Variants in PCDHGB3 observed in about 807,000 individuals in gnomAD.
PCDHGB3 encodes the protein protocadherin gamma-B3.
In PCDHGB3, 40 loss-of-function variants were observed where a neutral mutation model predicts 59.2. The observed-to-expected ratio is 0.68, with a 90% CI of 0.52 to 0.88. PCDHGB3 has a LOEUF of 0.88. Ranked by LOEUF, PCDHGB3 falls within the 40% of genes least tolerant of loss-of-function variation. The pLI is 0.00. For synonymous variants in PCDHGB3, 581 were observed against 503.6 expected, an observed-to-expected ratio of 1.15 and a Z score of -2.06; for missense variants, 1,309 against 1,187.9, an observed-to-expected ratio of 1.10 and a Z score of -1.50.
intron 1 of PCDHGB3, chr5:141,398,967 C>T: frequency 6.2e-7 from 1 of 1,613,942 alleles, no homozygotes; most frequent in Non-Finnish European, 8.5e-7. Flanking sequence ...TTACTTATTC[C>T]TTCTACAGAA....
chr5:141,431,401 C>T lies in PCDHGB3; in HGVS notation c.2415+58592C>T. ...CTGCTCACCACCTGGTCCTTACGGC[C>T]TCCGACGGGGGCGACCCGGTGCGCA... On this transcript the variant is annotated intron_variant, in intron 1 of 3. Transcript: ENST00000576222. The surrounding 1 kb of genome is among the most constrained non-coding windows in gnomAD (Gnocchi z 4.8). 2 of 1,613,800 alleles carry T rather than the reference C, an allele frequency of 1.2e-6. No homozygotes were observed. Among genetic ancestry groups the T allele is most frequent in the Admixed American group, 1.7e-5 (1 of 60,036 alleles).
At chr5:141,464,748 T>C (rs995568259) in intron 1 of PCDHGB3, among the ~76,000 whole-genome samples, 2 of 152,190 alleles carry the variant, frequency 1.3e-5, no homozygotes, top group Admixed American at 1.3e-4. Context: ...TATCTTTTTG[T>C]TTTTTTAGAG....
rs1421541308 is a variant in PCDHGB3 at position 141,409,559 on chromosome 5, G to C, written c.2415+36750G>C. On this transcript the variant is annotated intron_variant, in intron 1 of 3. Coordinates refer to ENST00000576222, the MANE Select transcript of PCDHGB3 (RefSeq NM_018924.5). The stretch of plus-strand genomic sequence containing the variant: ...CATCAACGACAACGCCCCAGTTTTC[G>C]ACCAGACGTCCTACGTGGTCCACGT... The C allele has an allele frequency of 1.9e-6, 3 of 1,613,936 alleles. No individual in the cohort carries two copies. The highest frequency in any genetic ancestry group is 1.7e-6 in the Non-Finnish European group (2 of 1,179,910).
chr5:141,472,542 G>GA (rs904556404), intron 1 of PCDHGB3, among the ~76,000 whole-genome samples: 21 of 147,124 alleles, frequency 1.4e-4, no homozygotes, highest in Admixed American at 7.4e-4. Flanking sequence ...ACCATCTCAA[G>GA]AAAAAAAAAA....
Position 141,490,318 on chromosome 5 carries a change from C to T in PCDHGB3, c.2416-4489C>T. ...ATTGGCCTCTTTGGCCAACCCTGTCCTAGAGAGCACACCAGTGGGCACAGT... is the reference window on the plus strand; with the variant it reads ...ATTGGCCTCTTTGGCCAACCCTGTCTTAGAGAGCACACCAGTGGGCACAGT... On this transcript the variant is annotated intron_variant, in intron 1 of 3. Transcript: ENST00000576222. The surrounding 1 kb of genome is among the most constrained non-coding windows in gnomAD (Gnocchi z 5.4). 1 of 1,614,220 alleles carries T rather than the reference C, an allele frequency of 6.2e-7. No homozygotes were observed.
At chr5:141,389,806 T>C in intron 1 of PCDHGB3, 3 of 1,613,810 alleles carry the variant, frequency 1.9e-6, no homozygotes, top group Non-Finnish European at 2.5e-6. Flanking sequence ...CAGCGCCTTC[T>C]GGTCGCCGTG....
chr5:141,399,538 T>G, intron 1 of PCDHGB3: 1 of 1,614,048 alleles, frequency 6.2e-7, no homozygotes, highest in Non-Finnish European at 8.5e-7. Context: ...CGCGCAAGTC[T>G]GCGCCTCGGA....
intron 2 of PCDHGB3, among the ~76,000 whole-genome samples, chr5:141,496,189 G>A (rs1362938002): frequency 1.3e-5 from 2 of 152,004 alleles, no homozygotes; most frequent in Admixed American, 6.6e-5. Flanking sequence ...AGCCCCAGCT[G>A]CTCATTTCAA....
chr5:141,498,230 C>T (rs2099782452), intron 2 of PCDHGB3, among the ~76,000 whole-genome samples: 1 of 152,200 alleles, frequency 6.6e-6, no homozygotes, highest in African/African-American at 2.4e-5. Flanking sequence ...GATGGTCAGG[C>T]ATACCAGCTT....
chr5:141,431,411 G>A lies in PCDHGB3; in HGVS notation c.2415+58602G>A. On this transcript the variant is annotated intron_variant, in intron 1 of 3. Coordinates refer to ENST00000576222, the MANE Select transcript of PCDHGB3 (RefSeq NM_018924.5). This position sits in a 1 kb window ranked among gnomAD's most constrained non-coding sequence, Gnocchi z 4.8. ...CCTGGTCCTTACGGCCTCCGACGGG[G>A]GCGACCCGGTGCGCACAGGCACCGC... 3 of 1,613,728 alleles carry A rather than the reference G, an allele frequency of 1.9e-6. No individual in the cohort carries two copies. The highest frequency in any genetic ancestry group is 2.5e-6 in the Non-Finnish European group (3 of 1,180,038).
At chr5:141,400,301 C>T in intron 1 of PCDHGB3, 3 of 1,614,084 alleles carry the variant, frequency 1.9e-6, no homozygotes, top group Non-Finnish European at 2.5e-6. Flanking sequence ...TGCTTCCAAC[C>T]TGGTCTCTGT....
In PCDHGB3 at chr5:141,370,892, G is replaced by A; in HGVS notation, c.498G>A (p.Ser166=). The A allele has an allele frequency of 6.2e-7, 1 of 1,613,936 alleles. No homozygotes were observed. Among genetic ancestry groups the A allele is most frequent in the Non-Finnish European group, 8.5e-7 (1 of 1,179,896 alleles). Residue 166 remains serine (S), a synonymous_variant, in exon 1 of 4, where the codon TCG becomes TCA. Transcript: ENST00000576222. The part of the protein sequence containing the change: ...SAQDPDVGVN[S]LQQYYLSPDP... ...AAGATCCTGATGTAGGTGTCAATTC[G>A]CTGCAGCAGTACTACCTCAGCCCTG... is the stretch of plus-strand genomic sequence containing the variant.
At position 141,490,954 on chromosome 5, in the gene PCDHGB3, G is replaced by A. The variant is rs749646808; in HGVS notation, c.2416-3853G>A. On this transcript the variant is annotated intron_variant, in intron 1 of 3. Coordinates refer to ENST00000576222, the MANE Select transcript of PCDHGB3 (RefSeq NM_018924.5). This position sits in a 1 kb window ranked among gnomAD's most constrained non-coding sequence, Gnocchi z 5.4. ...TGTGCTGCACCCACGGCCAGACTGGGAACACTCAGCCCCCCAGCGTCTCCC... is the reference window on the plus strand; with the variant it reads ...TGTGCTGCACCCACGGCCAGACTGGAAACACTCAGCCCCCCAGCGTCTCCC... 9 of 1,613,662 alleles carry A rather than the reference G, an allele frequency of 5.6e-6. No individual in the cohort carries two copies. The African/African-American group carries it at 8.0e-5, about 14-fold the overall frequency.
chr5:141,402,749 G>A (rs768250544), intron 1 of PCDHGB3, among the ~76,000 whole-genome samples: 4 of 152,152 alleles, frequency 2.6e-5, no homozygotes, highest in Non-Finnish European at 5.9e-5. Flanking sequence ...TCAACTCTAA[G>A]CGAAAATCAG....
At chr5:141,430,948 A>C (rs753305931) in intron 1 of PCDHGB3, 47 of 1,609,938 alleles carry the variant, frequency 2.9e-5, no homozygotes, top group Non-Finnish European at 4.0e-5. Context: ...CGGAGCGCGG[A>C]GTCCGCATCA....
At chr5:141,413,648 TC>T in intron 1 of PCDHGB3, 1 of 1,613,820 alleles carries the variant, frequency 6.2e-7, no homozygotes, top group Non-Finnish European at 8.5e-7. Context: ...CGTTTTCCTC[TC>T]CCGGAAGCTA....
chr5:141,387,938 T>G (rs1461367286), intron 1 of PCDHGB3: 1 of 1,476,714 alleles, frequency 6.8e-7, no homozygotes, highest in South Asian at 1.4e-5. Context: ...CAGTGCTCTT[T>G]CTCTTCCTGC....
intron 1 of PCDHGB3, among the ~76,000 whole-genome samples, chr5:141,468,914 G>A (rs563780068): frequency 2.6e-5 from 4 of 151,700 alleles, no homozygotes; most frequent in Admixed American, 2.6e-4. Context: ...CAGACTAGAA[G>A]AGAATAGCAC....
At chr5:141,419,465 G>C (rs568864628) in intron 1 of PCDHGB3, 77 of 1,612,426 alleles carry the variant, frequency 4.8e-5, no homozygotes, top group Non-Finnish European at 6.4e-5. Context: ...GCAGGCCCGC[G>C]ACCAGGGCTC....
Sources: allele counts gnomAD v4.1 joint callset (sites outside exome capture counted in the v4.1 genomes callset), GRCh38; gene constraint gnomAD v4.1.1; non-coding constraint Gnocchi (gnomAD v3.1); transcripts MANE v1.5; gene names NCBI Gene and HGNC (gene_info 2026-07-23, HGNC 2026-07-21).